The following TCF4 variants were observed in gnomAD, a reference collection of about 807,000 sequenced individuals.
TCF4 encodes the protein SL3-3 enhancer factor 2.
In TCF4, 3 loss-of-function variants were observed where a neutral mutation model predicts 82.1. The ratio of observed to expected loss-of-function variants is 0.04; its 90% CI spans 0.02 to 0.09. The LOEUF (loss-of-function observed/expected upper bound fraction) is 0.09. TCF4 is among the 10% of genes least tolerant of loss of function. The pLI, the probability that TCF4 is intolerant of heterozygous loss-of-function variation, is 1.00. For synonymous variants in TCF4, 276 were observed against 309.6 expected, an observed-to-expected ratio of 0.89 and a Z score of 1.14; for missense variants, 518 against 852.7, an observed-to-expected ratio of 0.61 and a Z score of 4.89.
chr18:55,436,870 C>A (rs1362711925), intron 5 of TCF4, among the ~76,000 whole-genome samples: 1 of 152,174 alleles, frequency 6.6e-6, no homozygotes, highest in African/African-American at 2.4e-5. Context: ...TAAAATCAAA[C>A]AACTTGGAGT....
At chr18:55,307,333 A>G (rs529258404) in intron 8 of TCF4, among the ~76,000 whole-genome samples, 26 of 152,336 alleles carry the variant, frequency 1.7e-4, no homozygotes, top group African/African-American at 5.5e-4. Flanking sequence ...TTACATTTTA[A>G]AAGTAAACCC....
intron 3 of TCF4, among the ~76,000 whole-genome samples, chr18:55,477,813 G>C (rs1176777465): frequency 6.6e-6 from 1 of 152,182 alleles, no homozygotes; most frequent in African/African-American, 2.4e-5. Context: ...CGCATCAACT[G>C]ATGATTTCTT....
intron 6 of TCF4, among the ~76,000 whole-genome samples, chr18:55,355,668 T>C (rs1388010106): frequency 2.0e-5 from 3 of 152,164 alleles, no homozygotes; most frequent in Non-Finnish European, 2.9e-5. Context: ...AGTACACCTT[T>C]ATAATTTATT....
At chr18:55,232,406 A>G (rs1354859379) in intron 17 of TCF4, 103 bp downstream of exon 17, 3 of 1,390,722 alleles carry the variant, frequency 2.2e-6, no homozygotes, top group Non-Finnish European at 3.0e-6. Context: ...TCAGCTGTAA[A>G]TTTACCTGCC....
At chr18:55,447,395 C>T (rs2095545253) in intron 5 of TCF4, among the ~76,000 whole-genome samples, 1 of 152,050 alleles carries the variant, frequency 6.6e-6, no homozygotes, top group African/African-American at 2.4e-5. Flanking sequence ...GGATTATTTC[C>T]CCAACTCTCT....
intron 1 of TCF4, among the ~76,000 whole-genome samples, chr18:55,634,190 GC>G (rs1373484235): frequency 6.6e-6 from 1 of 152,010 alleles, no homozygotes; most frequent in African/African-American, 2.4e-5. Flanking sequence ...AATGGCTTGA[GC>G]CCAGGAGGTG....
At chr18:55,618,930 T>G (rs1160109949) in intron 2 of TCF4, among the ~76,000 whole-genome samples, 2 of 152,044 alleles carry the variant, frequency 1.3e-5, no homozygotes, top group African/African-American at 4.8e-5. Context: ...CTTTAAGGTT[T>G]TCTTCCTTCT....
chr18:55,302,573 CAGAATTCATAATGGG>C, intron 8 of TCF4: 1 of 1,534,386 alleles, frequency 6.5e-7, no homozygotes, highest in Middle Eastern at 1.7e-4. Context: ...GACCACAGCC[CAGAATTCATAATGGG>C]AGGGAGAGAG....
At chr18:55,493,154 C>T (rs1248712676) in intron 3 of TCF4, among the ~76,000 whole-genome samples, 2 of 152,188 alleles carry the variant, frequency 1.3e-5, no homozygotes, top group Admixed American at 1.3e-4. Context: ...GCATGAGTGG[C>T]ACAGTGACCC....
At chr18:55,421,512 ATTTAAC>A (rs2094756119) in intron 5 of TCF4, among the ~76,000 whole-genome samples, 1 of 152,234 alleles carries the variant, frequency 6.6e-6, no homozygotes, top group Admixed American at 6.5e-5. Flanking sequence ...GGGAATTACA[ATTTAAC>A]TTTAAATAAA....
intron 5 of TCF4, among the ~76,000 whole-genome samples, chr18:55,418,590 A>C (rs1400181643): frequency 6.6e-6 from 1 of 152,212 alleles, no homozygotes; most frequent in Non-Finnish European, 1.5e-5. Context: ...TGTTAGGTAG[A>C]TACCATAACA....
intron 6 of TCF4, among the ~76,000 whole-genome samples, chr18:55,371,239 T>G (rs2089061175): frequency 6.6e-6 from 1 of 152,206 alleles, no homozygotes; most frequent in Non-Finnish European, 1.5e-5. Flanking sequence ...ATACTTGGTC[T>G]TGGTAGAAAC....
chr18:55,228,824 C>T lies in TCF4; in HGVS notation c.1879+23G>A, dbSNP rs376744305. ...TGCCACAAGCTCCTCACGAGCTCTG[C>T]AAGGAGGCTGGCCTGCACTGACCTC... is the stretch of plus-strand genomic sequence containing the variant. On this transcript the variant is annotated intron_variant, in intron 18 of 19. Coordinates refer to ENST00000354452, the MANE Select transcript of TCF4 (RefSeq NM_001083962.2). 16 of 1,613,102 alleles carry T rather than the reference C, an allele frequency of 9.9e-6. No individual in the cohort carries two copies. The African/African-American group carries it at 2.0e-4, about 20-fold the overall frequency.
At chr18:55,577,166 A>G (rs933185247) in intron 3 of TCF4, among the ~76,000 whole-genome samples, 10 of 142,810 alleles carry the variant, frequency 7.0e-5, no homozygotes, top group South Asian at 4.2e-4. Context: ...ATGTATATAT[A>G]CATTTATATA....
chr18:55,373,161 A>C (rs1286711374), intron 6 of TCF4, among the ~76,000 whole-genome samples: 1 of 151,964 alleles, frequency 6.6e-6, no homozygotes, highest in African/African-American at 2.4e-5. Context: ...AAACCATCAA[A>C]AATAAAACAC....
intron 3 of TCF4, among the ~76,000 whole-genome samples, chr18:55,507,764 GAGA>G (rs1362810959): frequency 6.6e-6 from 1 of 152,168 alleles, no homozygotes; most frequent in Non-Finnish European, 1.5e-5. Flanking sequence ...GTGGATTGGG[GAGA>G]AGATTTCTGG....
rs144800392 is a variant in TCF4, at chr18:55,223,727, ATTT to A, written c.*4305_*4307del. 3.3e-4 allele frequency: 48 copies of A among 145,250 alleles called. No homozygotes were observed. Among genetic ancestry groups the A allele is most frequent in the Non-Finnish European group, 5.3e-4 (35 of 65,754 alleles). 9.0% of individuals were successfully genotyped at this position (145,250 alleles called of 1,614,324 possible). A position where few individuals can be genotyped will look rare whatever the true frequency, so the allele number is the denominator to read the frequency against. ...GTTTTCCCTTTTTTTTTTTTTAACA[ATTT>A]TTTTAAGTTTTTAATGCTGCAGCTA... is the stretch of plus-strand genomic sequence containing the variant. On this transcript the variant is annotated 3_prime_UTR_variant, in exon 20 of 20. Coordinates refer to ENST00000354452, the MANE Select transcript of TCF4 (RefSeq NM_001083962.2).
chr18:55,298,117 G>A (rs1235470835), intron 8 of TCF4, among the ~76,000 whole-genome samples: 1 of 152,250 alleles, frequency 6.6e-6, no homozygotes, highest in East Asian at 1.9e-4. Flanking sequence ...TGTTGGGCAC[G>A]AAGCATCCAG....
chr18:55,302,412 T>G, intron 8 of TCF4: 1 of 1,536,352 alleles, frequency 6.5e-7, no homozygotes. Context: ...GACTCTGACC[T>G]TACCTCTGCT....
Sources: allele counts gnomAD v4.1 joint callset (sites outside exome capture counted in the v4.1 genomes callset), GRCh38; gene constraint gnomAD v4.1.1; transcripts MANE v1.5; gene names NCBI Gene and HGNC (gene_info 2026-07-23, HGNC 2026-07-21).